The following XNDC1N variants were observed in gnomAD, a reference collection of about 807,000 sequenced individuals.
The protein encoded by XNDC1N is XRCC1 N-terminal domain containing 1, N-terminal like, also known as protein XNDC1N.
the XNDC1N span, chr11:71,917,695 G>A: frequency 4.3e-6 from 3 of 703,182 alleles, no homozygotes; most frequent in African/African-American, 5.2e-5. Flanking sequence ...CGTGGTTGCA[G>A]GGAGCAGGGT....
chr11:71,895,475 A>ATTTTTTTTTTTTTT, the XNDC1N span, among the ~76,000 whole-genome samples: 14 of 98,354 alleles, frequency 1.4e-4, no homozygotes, highest in Non-Finnish European at 2.2e-4. Flanking sequence ...ATGCCTGGCT[A>ATTTTTTTTTTTTTT]TTTTTTTTTT....
the XNDC1N span, among the ~76,000 whole-genome samples, chr11:71,896,442 T>G: frequency 2.0e-5 from 3 of 152,272 alleles, no homozygotes; most frequent in African/African-American, 7.2e-5. Context: ...TAGTACAGTA[T>G]GAAAATTTTA....
chr11:71,893,674 G>A, the XNDC1N span: 5 of 1,310,126 alleles, frequency 3.8e-6, no homozygotes, highest in South Asian at 4.8e-5. Context: ...CCTGTGCTGG[G>A]CTGACACCGG....
At chr11:71,897,156 A>G in the XNDC1N span, among the ~76,000 whole-genome samples, 7 of 152,202 alleles carry the variant, frequency 4.6e-5, no homozygotes, top group Non-Finnish European at 7.3e-5. Context: ...CGCTTTCATG[A>G]CATCAGATTG....
chr11:71,900,718 T>C, the XNDC1N span, among the ~76,000 whole-genome samples: 1 of 152,222 alleles, frequency 6.6e-6, no homozygotes, highest in Non-Finnish European at 1.5e-5. Flanking sequence ...GAACCCTTAC[T>C]GAGGGCTTCC....
chr11:71,885,628 G>A, the XNDC1N span, among the ~76,000 whole-genome samples: 1 of 152,094 alleles, frequency 6.6e-6, no homozygotes. Context: ...CTGGACATTA[G>A]GAGCAATATC....
the XNDC1N span, among the ~76,000 whole-genome samples, chr11:71,921,694 C>T: frequency 6.6e-6 from 1 of 151,968 alleles, no homozygotes; most frequent in Admixed American, 6.6e-5. Context: ...TGTGTGTGCA[C>T]GCGTGCATGT....
chr11:71,927,300 G>C, the XNDC1N span, among the ~76,000 whole-genome samples: 147 of 152,234 alleles, frequency 9.7e-4, no homozygotes, highest in Non-Finnish European at 1.6e-3. Context: ...TTGGGAGGCC[G>C]AGGCGGGTGG....
chr11:71,887,200 G>A, the XNDC1N span, among the ~76,000 whole-genome samples: 9 of 152,286 alleles, frequency 5.9e-5, no homozygotes, highest in East Asian at 5.8e-4. Context: ...CGCCCCGGTC[G>A]CCCGGTTATC....
At chr11:71,869,104 A>T in the XNDC1N span, among the ~76,000 whole-genome samples, 344 of 152,164 alleles carry the variant, frequency 2.3e-3, no homozygotes, top group Middle Eastern at 6.8e-3. Flanking sequence ...CACAATGCGC[A>T]GGTTTGTTAC....
At chr11:71,904,415 C>T in the XNDC1N span, among the ~76,000 whole-genome samples, 3 of 152,102 alleles carry the variant, frequency 2.0e-5, no homozygotes, top group African/African-American at 7.2e-5. Context: ...AGGGTGTACA[C>T]ACACCGGGTA....
chr11:71,876,688 C>T, the XNDC1N span, among the ~76,000 whole-genome samples: 3 of 152,148 alleles, frequency 2.0e-5, no homozygotes, highest in Non-Finnish European at 4.4e-5. Context: ...AAAATTATGC[C>T]CTTAGTGTTC....
chr11:71,880,294 T>C, the XNDC1N span, among the ~76,000 whole-genome samples: 1 of 152,204 alleles, frequency 6.6e-6, no homozygotes, highest in Non-Finnish European at 1.5e-5. Context: ...ATCATATGAA[T>C]TATTTAGCAT....
chr11:71,886,149 G>T, the XNDC1N span, among the ~76,000 whole-genome samples: 2 of 151,936 alleles, frequency 1.3e-5, no homozygotes, highest in Non-Finnish European at 2.9e-5. Context: ...GTGTTTTTGG[G>T]TACCAGCCCT....
chr11:71,888,871 C>T, the XNDC1N span, among the ~76,000 whole-genome samples: 2 of 152,254 alleles, frequency 1.3e-5, no homozygotes, highest in Admixed American at 1.3e-4. Flanking sequence ...ACCCCGCCAC[C>T]TTGCTCCCGG....
the XNDC1N span, among the ~76,000 whole-genome samples, chr11:71,911,416 C>G: frequency 6.6e-6 from 1 of 152,218 alleles, no homozygotes; most frequent in Non-Finnish European, 1.5e-5. Flanking sequence ...CCGGGACCAG[C>G]CTTGGCCATC....
chr11:71,920,250 G>A, the XNDC1N span, among the ~76,000 whole-genome samples: 1 of 151,724 alleles, frequency 6.6e-6, no homozygotes, highest in Non-Finnish European at 1.5e-5. Context: ...GAGCCACCGT[G>A]CCCGGCCCAA....
the XNDC1N span, chr11:71,904,058 T>C: frequency 1.9e-6 from 1 of 523,104 alleles, no homozygotes; most frequent in African/African-American, 1.9e-5. Flanking sequence ...AACCCCTTCA[T>C]CTACAGCCTG....
chr11:71,911,686 G>C, the XNDC1N span, among the ~76,000 whole-genome samples: 1 of 152,108 alleles, frequency 6.6e-6, no homozygotes, highest in Non-Finnish European at 1.5e-5. Context: ...GAAAGAAAAG[G>C]GCCTATTGAA....
Sources: gnomAD v4.1 joint callset for allele counts (sites outside exome capture counted in the v4.1 genomes callset) on GRCh38, gnomAD v4.1.1 for gene constraint, MANE v1.5 for transcripts, NCBI Gene and HGNC (gene_info 2026-07-23, HGNC 2026-07-21) for gene names.